Variants in CHIC2 observed in about 807,000 individuals in gnomAD.
The protein encoded by CHIC2 is cysteine rich hydrophobic domain 2.
A neutral mutation model predicts 25.9 loss-of-function variants in CHIC2; 14 were observed. The observed-to-expected ratio is 0.54, with a 90% CI of 0.36 to 0.85. The LOEUF (loss-of-function observed/expected upper bound fraction) is 0.85, where lower values mean the gene tolerates loss of function less well. Ranked by LOEUF, CHIC2 falls within the 40% of genes least tolerant of loss-of-function variation. The pLI is 0.01. For synonymous variants in CHIC2, 70 were observed against 72.0 expected (o/e 0.97, Z 0.14); for missense variants, 146 against 202.0 (o/e 0.72, Z 1.68).
chr4:54,023,770 T>C (rs1715976323), intron 3 of CHIC2, among the ~76,000 whole-genome samples: 1 of 152,182 alleles, frequency 6.6e-6, no homozygotes, highest in Non-Finnish European at 1.5e-5. Context: ...ACCTGAGCCC[T>C]CACTCTTGCA....
In CHIC2 at chr4:54,064,537, C is replaced by A; in HGVS notation, c.-237G>T. ...ACAACAACACAATGTCAACATCCGC[C>A]CAGAGGCCGACACCTCCACAAGCAC... is the stretch of plus-strand genomic sequence containing the variant. On this transcript the variant is annotated 5_prime_UTR_variant, in exon 1 of 6. Coordinates refer to ENST00000263921, the MANE Select transcript of CHIC2 (RefSeq NM_012110.4). This position sits in a 1 kb window ranked among gnomAD's most constrained non-coding sequence, Gnocchi z 4.2. 7.3e-7 allele frequency: 1 copy of A among 1,364,290 alleles called. No homozygotes were observed. Among genetic ancestry groups the A allele is most frequent in the South Asian group, 1.6e-5 (1 of 61,076 alleles). The allele number at this position is 1,364,290 out of a possible 1,614,324, so 84.5% of individuals were successfully genotyped here.
chr4:54,085,034 TATAA>T, the CHIC2 span, among the ~76,000 whole-genome samples: 3 of 148,450 alleles, frequency 2.0e-5, no homozygotes, highest in South Asian at 2.2e-4. Flanking sequence ...ACTGAATTGA[TATAA>T]ATAAAGTGTT....
intron 3 of CHIC2, among the ~76,000 whole-genome samples, chr4:54,043,236 A>G (rs904100565): frequency 6.6e-6 from 1 of 152,074 alleles, no homozygotes; most frequent in African/African-American, 2.4e-5. Flanking sequence ...CCTGCCTAAC[A>G]CAGTGAAAAC....
intron 5 of CHIC2, among the ~76,000 whole-genome samples, chr4:54,010,723 G>A (rs916639011): frequency 6.6e-6 from 1 of 152,018 alleles, no homozygotes; most frequent in Non-Finnish European, 1.5e-5. Flanking sequence ...CGTGACTGCA[G>A]CTCACCCAAC....
chr4:54,044,274 T>C (rs1421498517), intron 3 of CHIC2, among the ~76,000 whole-genome samples: 3 of 152,142 alleles, frequency 2.0e-5, no homozygotes, highest in Non-Finnish European at 4.4e-5. Flanking sequence ...TATCCAGGAA[T>C]TGAACTCAGC....
intron 3 of CHIC2, among the ~76,000 whole-genome samples, chr4:54,031,768 T>G (rs958308684): frequency 6.6e-6 from 1 of 151,970 alleles, no homozygotes; most frequent in Non-Finnish European, 1.5e-5. Flanking sequence ...TACAGGCACG[T>G]GTCACCACGC....
intron 3 of CHIC2, among the ~76,000 whole-genome samples, chr4:54,021,290 C>T (rs757944423): frequency 4.7e-4 from 71 of 152,264 alleles, no homozygotes; most frequent in Admixed American, 9.8e-4. Flanking sequence ...GACATCCAGG[C>T]ATTCTTTTAC....
chr4:54,068,217 G>A (rs1480479576), upstream of CHIC2, among the ~76,000 whole-genome samples: 1 of 152,140 alleles, frequency 6.6e-6, no homozygotes, highest in Non-Finnish European at 1.5e-5. Context: ...TGTACTGAAT[G>A]TTTACATCCC....
intron 1 of CHIC2, among the ~76,000 whole-genome samples, chr4:54,058,357 A>G (rs1406067896): frequency 2.0e-5 from 3 of 152,208 alleles, no homozygotes; most frequent in African/African-American, 7.2e-5. Context: ...GCTTATGGTT[A>G]CTGTCAGGAA....
At chr4:54,070,867 C>G in the CHIC2 span, among the ~76,000 whole-genome samples, 1 of 152,170 alleles carries the variant, frequency 6.6e-6, no homozygotes, top group Non-Finnish European at 1.5e-5. Flanking sequence ...CCCCTCCATC[C>G]TCAGTACATG....
chr4:54,083,534 C>T, the CHIC2 span, among the ~76,000 whole-genome samples: 369 of 152,320 alleles, frequency 2.4e-3, 1 homozygote, highest in African/African-American at 8.3e-3. Flanking sequence ...CAATCATATT[C>T]AATACAGACA....
intron 1 of CHIC2, among the ~76,000 whole-genome samples, chr4:54,050,584 T>C (rs574892554): frequency 3.3e-4 from 50 of 152,248 alleles, no homozygotes; most frequent in Non-Finnish European, 6.8e-4. Flanking sequence ...AGTCAGGACA[T>C]ACTAGAAGGT....
Position 54,009,875 on chromosome 4 carries a change from T to A in CHIC2, c.*220A>T. 1 of 382,464 alleles carries A rather than the reference T, an allele frequency of 2.6e-6. No homozygotes were observed. 23.7% of individuals were successfully genotyped at this position (382,464 alleles called of 1,614,324 possible). On this transcript the variant is annotated 3_prime_UTR_variant, in exon 6 of 6. Coordinates refer to ENST00000263921, the MANE Select transcript of CHIC2 (RefSeq NM_012110.4). ...GAATACATAACAGAAAAGAGCACAA[T>A]AACTTAAGTATTAAACATCTGTATG...
chr4:54,038,472 G>A (rs990610782), intron 3 of CHIC2, among the ~76,000 whole-genome samples: 1 of 152,052 alleles, frequency 6.6e-6, no homozygotes, highest in East Asian at 1.9e-4. Flanking sequence ...CAAAAAAAAC[G>A]TCAAAGACCT....
At chr4:54,087,386 G>A in the CHIC2 span, 1 of 566,334 alleles carries the variant, frequency 1.8e-6, no homozygotes, top group African/African-American at 1.9e-5. Context: ...GCAAAATGTA[G>A]ATGCAATTCT....
At chr4:54,027,264 G>C (rs977626147) in intron 3 of CHIC2, among the ~76,000 whole-genome samples, 1 of 152,156 alleles carries the variant, frequency 6.6e-6, no homozygotes, top group Non-Finnish European at 1.5e-5. Context: ...ACAGAGAAAT[G>C]AATGTCAGCC....
intron 3 of CHIC2, among the ~76,000 whole-genome samples, chr4:54,025,029 A>C (rs1716015356): frequency 6.6e-6 from 1 of 151,882 alleles, no homozygotes; most frequent in African/African-American, 2.4e-5. Context: ...TTATGTCTCC[A>C]TACCACCCGC....
chr4:54,029,109 G>C (rs1458391205), intron 3 of CHIC2, among the ~76,000 whole-genome samples: 7 of 148,896 alleles, frequency 4.7e-5, no homozygotes, highest in Admixed American at 1.3e-4. Context: ...CTGACAGAGC[G>C]AGACTCCATC....
chr4:54,045,704 G>T (rs1230587822), intron 3 of CHIC2, among the ~76,000 whole-genome samples: 2 of 145,088 alleles, frequency 1.4e-5, no homozygotes, highest in African/African-American at 5.1e-5. Flanking sequence ...TACTGAATGG[G>T]CAAAAACTGG....
Sources: allele counts gnomAD v4.1 joint callset (sites outside exome capture counted in the v4.1 genomes callset), GRCh38; gene constraint gnomAD v4.1.1; non-coding constraint Gnocchi (gnomAD v3.1); transcripts MANE v1.5; gene names NCBI Gene and HGNC (gene_info 2026-07-23, HGNC 2026-07-21).